GGACT: variants seen among roughly 807,000 people sequenced by gnomAD.
GGACT encodes the protein gamma-glutamylaminecyclotransferase.
For synonymous variants in GGACT, 118 were observed against 115.3 expected (o/e 1.02, Z -0.15); for missense variants, 241 against 233.2 (o/e 1.03, Z -0.22).
At chr13:100,579,822 A>T (rs1430794617) in intron 2 of GGACT, among the ~76,000 whole-genome samples, 1 of 152,156 alleles carries the variant, frequency 6.6e-6, no homozygotes, top group Non-Finnish European at 1.5e-5. Context: ...CTATGATTGA[A>T]CACGTTTTGC....
intron 2 of GGACT, among the ~76,000 whole-genome samples, chr13:100,572,268 A>G (rs1875107385): frequency 6.6e-6 from 1 of 152,234 alleles, no homozygotes; most frequent in African/African-American, 2.4e-5. Flanking sequence ...CCTTGAGAAC[A>G]CTATGCGAAG....
chr13:100,555,106 A>T (rs998002029), intron 2 of GGACT, among the ~76,000 whole-genome samples: 7 of 152,252 alleles, frequency 4.6e-5, no homozygotes, highest in African/African-American at 1.7e-4. Flanking sequence ...CTTAAGGAAG[A>T]AATAATACCA....
chr13:100,575,834 A>T (rs957148921), intron 2 of GGACT, among the ~76,000 whole-genome samples: 12 of 152,216 alleles, frequency 7.9e-5, no homozygotes, highest in Non-Finnish European at 1.6e-4. Flanking sequence ...CTCTCTGCTG[A>T]CATCCAGTTT....
chr13:100,539,038 A>G (rs557794259), intron 2 of GGACT: 1 of 152,270 alleles, frequency 6.6e-6, no homozygotes, highest in South Asian at 2.1e-4. Flanking sequence ...TAAAAATGCA[A>G]TAATTATTTG....
chr13:100,553,261 A>G (rs918863124), intron 2 of GGACT, among the ~76,000 whole-genome samples: 22 of 152,040 alleles, frequency 1.4e-4, no homozygotes, highest in Non-Finnish European at 2.6e-4. Flanking sequence ...TGTGTCCCCA[A>G]GGACCGGCAA....
chr13:100,531,778 C>A lies in GGACT; in HGVS notation c.*352G>T. ...GGCTGCTAAAATCTAGCGGCAACAC[C>A]AAGTCTTTACACTGATCCTAAATAT... On this transcript the variant is annotated 3_prime_UTR_variant, in exon 3 of 3. Transcript: ENST00000683975. 5.1e-6 allele frequency: 1 copy of A among 197,376 alleles called. No homozygotes were observed. The highest frequency in any genetic ancestry group is 9.5e-6 in the Non-Finnish European group (1 of 104,852). 12.2% of individuals were successfully genotyped at this position (197,376 alleles called of 1,614,324 possible).
intron 2 of GGACT, chr13:100,533,398 A>G (rs1481978332): frequency 6.6e-6 from 1 of 152,290 alleles, no homozygotes; most frequent in Non-Finnish European, 1.5e-5. Flanking sequence ...GTATTAGGAC[A>G]GTCTGTCAAA....
At position 100,534,779 on chromosome 13, in the gene GGACT, T is replaced by C. The variant is rs1430020494; in HGVS notation, c.-10-2178A>G. Among the ~76,000 whole-genome samples, 3 of 152,094 alleles carry C rather than the reference T, an allele frequency of 2.0e-5. No individual in the cohort carries two copies. The highest frequency in any genetic ancestry group is 6.6e-5 in the Admixed American group (1 of 15,258). On this transcript the variant is annotated intron_variant, in intron 2 of 2. Transcript: ENST00000683975. This position sits in a 1 kb window ranked among gnomAD's most constrained non-coding sequence, Gnocchi z 4.9. ...CCTGCCTGCATCCCTGTTGTCTTTG[T>C]TCCCCTGGATCCTGCCCCCAGTGCA...
In GGACT at chr13:100,532,125, C is replaced by G. The variant is rs1172647531; in HGVS notation, c.*5G>C. On this transcript the variant is annotated 3_prime_UTR_variant, in exon 3 of 3. Coordinates refer to ENST00000683975, the MANE Select transcript of GGACT (RefSeq NM_001195087.2). ...TCAAACCTAGGCCCACCCTGCCCGTCCCCCTTATCTGTTCTCCCGGGGGTT... is the reference window on the plus strand; with the variant it reads ...TCAAACCTAGGCCCACCCTGCCCGTGCCCCTTATCTGTTCTCCCGGGGGTT... The G allele has an allele frequency of 2.1e-6, 3 of 1,437,448 alleles. No homozygotes were observed. In the East Asian group the frequency reaches 7.6e-5, roughly 37 times the overall value. The allele number at this position is 1,437,448 out of a possible 1,614,324, so 89.0% of individuals were successfully genotyped here. A position where few individuals can be genotyped will look rare whatever the true frequency, so the allele number is the denominator to read the frequency against.
chr13:100,582,757 A>G (rs947859519), intron 2 of GGACT, among the ~76,000 whole-genome samples: 1 of 152,250 alleles, frequency 6.6e-6, no homozygotes, highest in Admixed American at 6.5e-5. Flanking sequence ...ATTTTTAATT[A>G]AAAAGTCCAA....
intron 2 of GGACT, among the ~76,000 whole-genome samples, chr13:100,560,351 A>T (rs1206730308): frequency 6.6e-6 from 1 of 152,210 alleles, no homozygotes. Flanking sequence ...CCAGGATCTG[A>T]CTCGCTTTTC....
intron 2 of GGACT, among the ~76,000 whole-genome samples, chr13:100,564,821 C>A (rs1463073704): frequency 2.0e-5 from 3 of 152,102 alleles, no homozygotes; most frequent in Admixed American, 2.0e-4. Flanking sequence ...ATGCCCCGGG[C>A]AGGGGGCGGG....
chr13:100,576,040 C>T (rs985903678), intron 2 of GGACT, among the ~76,000 whole-genome samples: 1 of 152,058 alleles, frequency 6.6e-6, no homozygotes, highest in African/African-American at 2.4e-5. Flanking sequence ...TAATACTTTG[C>T]CAAATATAAT....
At chr13:100,569,599 G>GA (rs1875019180) in intron 2 of GGACT, among the ~76,000 whole-genome samples, 1 of 152,228 alleles carries the variant, frequency 6.6e-6, no homozygotes, top group Non-Finnish European at 1.5e-5. Flanking sequence ...GGGCTGCTGA[G>GA]AATGTCTCTG....
intron 2 of GGACT, among the ~76,000 whole-genome samples, chr13:100,555,987 TCTACTAAAAAGGTTAAGTCTC>T (rs2088705031): frequency 6.6e-6 from 1 of 152,200 alleles, no homozygotes; most frequent in Admixed American, 6.5e-5. Flanking sequence ...ACATCCTCGA[TCTACTAAAAAGGTTAAGTCTC>T]TGAAAAACCT....
intron 1 of GGACT, among the ~76,000 whole-genome samples, chr13:100,584,451 A>T (rs903398244): frequency 6.6e-6 from 1 of 152,048 alleles, no homozygotes; most frequent in Non-Finnish European, 1.5e-5. Flanking sequence ...TGAGATAGAG[A>T]TCAGAATGAT....
intron 2 of GGACT, among the ~76,000 whole-genome samples, chr13:100,559,076 C>T (rs1041087176): frequency 4.6e-5 from 7 of 152,256 alleles, no homozygotes; most frequent in African/African-American, 1.7e-4. Flanking sequence ...AAACCCACCA[C>T]GGTGATCCAT....
chr13:100,566,990 G>A (rs1200409463), intron 2 of GGACT, among the ~76,000 whole-genome samples: 1 of 152,186 alleles, frequency 6.6e-6, no homozygotes, highest in Admixed American at 6.5e-5. Flanking sequence ...CCATTGATTT[G>A]GTTGAATGTC....
intron 2 of GGACT, among the ~76,000 whole-genome samples, chr13:100,577,138 C>T (rs1180781180): frequency 6.6e-6 from 1 of 152,054 alleles, no homozygotes; most frequent in African/African-American, 2.4e-5. Context: ...GAAAAATAGG[C>T]CGGGCAGTGG....
Sources: gnomAD v4.1 joint callset for allele counts (sites outside exome capture counted in the v4.1 genomes callset) on GRCh38, gnomAD v4.1.1 for gene constraint, Gnocchi (gnomAD v3.1) non-coding constraint, MANE v1.5 for transcripts, NCBI Gene and HGNC (gene_info 2026-07-23, HGNC 2026-07-21) for gene names.